Variants in GRP observed in about 807,000 individuals in gnomAD.
GRP encodes the protein gastrin-releasing peptide.
A neutral mutation model predicts 12.7 loss-of-function variants in GRP; 11 were observed. The observed-to-expected ratio is 0.87, with a 90% CI of 0.55 to 1.44. The LOEUF is 1.44. Ranked by LOEUF, GRP falls within the 40% of genes most tolerant of loss-of-function variation. The probability of loss-of-function intolerance (pLI) is 0.00; values close to 1 mark genes in which losing one functional copy is unlikely to be tolerated. For missense variants in GRP, 212 were observed against 185.4 expected (o/e 1.14, Z -0.83); for synonymous variants, 84 against 77.7 (o/e 1.08, Z -0.43).
At chr18:59,226,487 T>C (rs531664419) in intron 2 of GRP, among the ~76,000 whole-genome samples, 9 of 152,332 alleles carry the variant, frequency 5.9e-5, no homozygotes, top group African/African-American at 1.9e-4. Context: ...TTTACGATAA[T>C]CCAAGTATTG....
chr18:59,223,928 G>A (rs57997438), intron 1 of GRP, among the ~76,000 whole-genome samples: 6,157 of 152,258 alleles, frequency 0.04, 204 homozygotes, highest in African/African-American at 0.085. Context: ...GAAGTCTCAT[G>A]TCATAAGCAA....
At chr18:59,221,564 T>G (rs1393144459) in intron 1 of GRP, among the ~76,000 whole-genome samples, 1 of 151,674 alleles carries the variant, frequency 6.6e-6, no homozygotes, top group Non-Finnish European at 1.5e-5. Flanking sequence ...TAAGAGTGTG[T>G]ATGTGTGTGT....
In GRP at chr18:59,225,687, A is replaced by G; in HGVS notation, c.335A>G (p.Asp112Gly). 1 of 1,614,084 alleles carries G rather than the reference A, an allele frequency of 6.2e-7. No individual in the cohort carries two copies. Among genetic ancestry groups the G allele is most frequent in the Non-Finnish European group, 8.5e-7 (1 of 1,179,974 alleles). ...CTGGGCAATCAGCAGCCTTCGTGGGATTCAGAGGATAGCAGCAACTTCAAA... is the reference window on the plus strand; with the variant it reads ...CTGGGCAATCAGCAGCCTTCGTGGGGTTCAGAGGATAGCAGCAACTTCAAA... Reference protein sequence around the residue: ...KALGNQQPSWDSEDSSNFKDV... With the variant: ...KALGNQQPSWGSEDSSNFKDV... Residue 112 changes from aspartate to glycine, a missense_variant, in exon 2 of 3, where the codon GAT (aspartate) becomes GGT (glycine). Asp to Gly is a moderately conservative substitution (Grantham distance 94). Transcript: ENST00000256857.
rs750735316 is a variant in GRP, at chr18:59,230,512, G to A, written c.*44G>A. On this transcript the variant is annotated 3_prime_UTR_variant, in exon 3 of 3. Coordinates refer to ENST00000256857, the MANE Select transcript of GRP (RefSeq NM_002091.5). ...AAAGAGAAAAACAAAACCCCTAAGA[G>A]ACTGCGTTCTGCAAGCATCAGTTCT... 4.5e-5 allele frequency: 46 copies of A among 1,018,510 alleles called. No individual in the cohort carries two copies. In the South Asian group the frequency reaches 5.7e-4, roughly 13 times the overall value. The allele number at this position is 1,018,510 out of a possible 1,614,324, so 63.1% of individuals were successfully genotyped here.
chr18:59,224,396 C>T (rs927398015), intron 1 of GRP, among the ~76,000 whole-genome samples: 2 of 152,338 alleles, frequency 1.3e-5, no homozygotes, highest in Middle Eastern at 3.4e-3. Context: ...GGCCTCTTTC[C>T]ATTTTAAGAC....
intron 1 of GRP, among the ~76,000 whole-genome samples, chr18:59,222,961 G>T (rs2069859376): frequency 6.6e-6 from 1 of 152,190 alleles, no homozygotes; most frequent in Admixed American, 6.5e-5. Context: ...ATCCCAGAAG[G>T]TTGAATTTGG....
chr18:59,221,119 G>A (rs908116669), intron 1 of GRP, among the ~76,000 whole-genome samples: 4 of 152,206 alleles, frequency 2.6e-5, no homozygotes, highest in African/African-American at 9.6e-5. Context: ...AGCTCATCCC[G>A]ATCTCTCTGC....
intron 1 of GRP, among the ~76,000 whole-genome samples, chr18:59,223,420 G>A (rs1281880953): frequency 6.6e-6 from 1 of 152,198 alleles, no homozygotes; most frequent in African/African-American, 2.4e-5. Context: ...TGGAACTAGA[G>A]ATAAAGAACT....
chr18:59,225,419 C>A, intron 1 of GRP, 73 bp from the exon 2 acceptor site: 1 of 1,421,992 alleles, frequency 7.0e-7, no homozygotes, highest in South Asian at 1.3e-5. Flanking sequence ...CTTTAAATTT[C>A]TTTTAAATTT....
At chr18:59,223,202 T>C (rs1011730091) in intron 1 of GRP, among the ~76,000 whole-genome samples, 5 of 152,378 alleles carry the variant, frequency 3.3e-5, no homozygotes, top group Non-Finnish European at 5.9e-5. Context: ...AGTGCCTGTC[T>C]TTTGTCTATG....
intron 1 of GRP, among the ~76,000 whole-genome samples, chr18:59,221,559 G>C (rs1023525285): frequency 2.0e-5 from 3 of 151,692 alleles, no homozygotes; most frequent in African/African-American, 7.3e-5. Context: ...AGATTTAAGA[G>C]TGTGTATGTG....
chr18:59,224,264 C>T (rs2069879888), intron 1 of GRP, among the ~76,000 whole-genome samples: 1 of 152,186 alleles, frequency 6.6e-6, no homozygotes, highest in African/African-American at 2.4e-5. Context: ...AACCAATTAG[C>T]ATATGGATCA....
chr18:59,230,550 C>G lies in GRP; in HGVS notation c.*82C>G. 2 of 809,614 alleles carry G rather than the reference C, an allele frequency of 2.5e-6. No individual in the cohort carries two copies. Among genetic ancestry groups the G allele is most frequent in the East Asian group, 2.4e-5 (1 of 41,214 alleles). 50.2% of individuals were successfully genotyped at this position (809,614 alleles called of 1,614,324 possible). The stretch of plus-strand genomic sequence containing the variant: ...AAGCATCAGTTCTACGGATCATCAA[C>G]AAGATTTCCTTGTGCAAAATATTTG... On this transcript the variant is annotated 3_prime_UTR_variant, in exon 3 of 3. Coordinates refer to ENST00000256857, the MANE Select transcript of GRP (RefSeq NM_002091.5).
At chr18:59,220,115 CG>C, upstream of GRP, 2 of 369,452 alleles carry the variant, frequency 5.4e-6, no homozygotes, top group Non-Finnish European at 9.6e-6. Flanking sequence ...CCAGCCCCCC[CG>C]CCCGGGCTTC....
rs141080589 is a variant in GRP, at chr18:59,223,804, A to T, written c.140-1688A>T. Among the ~76,000 whole-genome samples the T allele has an allele frequency of 1.7e-3, 265 of 152,296 alleles. 1 individual carries two copies. The highest frequency in any genetic ancestry group is 6.1e-3 in the African/African-American group (255 of 41,578). On this transcript the variant is annotated intron_variant, in intron 1 of 2. Transcript: ENST00000256857. The stretch of plus-strand genomic sequence containing the variant: ...CACCGTTATGGCTGAATGCAAGGTT[A>T]TTGAGTGGCTATCTGAGCACCATGT...
Position 59,225,663 on chromosome 18 carries a change from T to C in GRP, c.311T>C (p.Leu104Pro), listed in dbSNP as rs557078479. 1 of 1,614,024 alleles carries C rather than the reference T, an allele frequency of 6.2e-7. No homozygotes were observed. Among genetic ancestry groups the C allele is most frequent in the East Asian group, 2.2e-5 (1 of 44,878 alleles). ...RNHQPPQPKA[L>P]GNQQPSWDSE... ...CACCAGCCACCTCAACCCAAGGCCC[T>C]GGGCAATCAGCAGCCTTCGTGGGAT... The change falls in exon 2 of 3, where the codon CTG (leucine) becomes CCG (proline). Residue 104 changes from leucine (L) to proline (P), a missense_variant. Leu to Pro is a moderately conservative substitution (Grantham distance 98). Transcript: ENST00000256857.
intron 1 of GRP, among the ~76,000 whole-genome samples, chr18:59,224,082 T>C (rs759232122): frequency 6.6e-6 from 1 of 152,248 alleles, no homozygotes; most frequent in African/African-American, 2.4e-5. Context: ...AAGCCTTTTG[T>C]AGACCTTATC....
chr18:59,219,569 G>A (rs2069794604), upstream of GRP, among the ~76,000 whole-genome samples: 1 of 126,616 alleles, frequency 7.9e-6, no homozygotes, highest in Non-Finnish European at 1.7e-5. Context: ...GAGAGGAGGG[G>A]AGAGGAGGGG....
chr18:59,220,244 C>G lies in GRP; in HGVS notation c.-22C>G. The stretch of plus-strand genomic sequence containing the variant: ...CTCTTCCCAGCCTCTCCGGCGCGCT[C>G]CAAGGGCTTCCCGTCGGGACCATGC... On this transcript the variant is annotated 5_prime_UTR_variant, in exon 1 of 3. Coordinates refer to ENST00000256857, the MANE Select transcript of GRP (RefSeq NM_002091.5). 5 of 1,479,012 alleles carry G rather than the reference C, an allele frequency of 3.4e-6. No individual in the cohort carries two copies. The highest frequency in any genetic ancestry group is 4.5e-6 in the Non-Finnish European group (5 of 1,119,256). 91.6% of individuals were successfully genotyped at this position (1,479,012 alleles called of 1,614,324 possible).
Sources: allele counts gnomAD v4.1 joint callset (sites outside exome capture counted in the v4.1 genomes callset), GRCh38; gene constraint gnomAD v4.1.1; transcripts MANE v1.5; gene names NCBI Gene and HGNC (gene_info 2026-07-23, HGNC 2026-07-21).